MOCOS: variants seen among roughly 807,000 people sequenced by gnomAD.
The protein encoded by MOCOS is human molybdenum cofactor sulfurase.
Under a neutral mutation model 83.6 loss-of-function variants are expected in MOCOS, and 86 were observed. That is an observed-to-expected ratio of 1.03 (90% CI 0.86 to 1.23). MOCOS has a LOEUF of 1.23. Among genes scored for constraint, MOCOS ranks in the 50% most tolerant of loss-of-function variants. The pLI, the probability that MOCOS is intolerant of heterozygous loss-of-function variation, is 0.00. For synonymous variants in MOCOS, 445 were observed against 434.7 expected, an observed-to-expected ratio of 1.02 and a Z score of -0.29; for missense variants, 1,120 against 1,126.9, an observed-to-expected ratio of 0.99 and a Z score of 0.09.
At chr18:36,255,607 C>T (rs1432242640) in intron 11 of MOCOS, among the ~76,000 whole-genome samples, 1 of 152,102 alleles carries the variant, frequency 6.6e-6, no homozygotes, top group Non-Finnish European at 1.5e-5. Flanking sequence ...CACCTCCCTT[C>T]TCTGGCAGAG....
chr18:36,259,101 A>G, intron 12 of MOCOS, among the ~76,000 whole-genome samples: 1 of 150,028 alleles, frequency 6.7e-6, no homozygotes, highest in East Asian at 2.0e-4. Flanking sequence ...GCAGAGGGCC[A>G]TTTTTTTTGG....
intron 5 of MOCOS, among the ~76,000 whole-genome samples, chr18:36,203,655 T>C (rs902769254): frequency 1.3e-5 from 2 of 152,248 alleles, no homozygotes; most frequent in Non-Finnish European, 2.9e-5. Flanking sequence ...GTCATACTGA[T>C]GCCTAACCAT....
At chr18:36,226,244 G>T (rs2091514853) in intron 9 of MOCOS, among the ~76,000 whole-genome samples, 1 of 151,916 alleles carries the variant, frequency 6.6e-6, no homozygotes, top group South Asian at 2.1e-4. Context: ...TACTCCTGGT[G>T]GATTGATCAT....
intron 13 of MOCOS, among the ~76,000 whole-genome samples, chr18:36,263,802 C>T (rs956598077): frequency 6.6e-6 from 1 of 152,174 alleles, no homozygotes; most frequent in African/African-American, 2.4e-5. Context: ...CTAGTAAACA[C>T]ATTTTAAAAA....
At position 36,213,498 on chromosome 18, in the gene MOCOS, T is replaced by C. The variant is rs1308254473; in HGVS notation, c.1335+16T>C. On this transcript the variant is annotated intron_variant, in intron 7 of 14. Coordinates refer to ENST00000261326, the MANE Select transcript of MOCOS (RefSeq NM_017947.4). The stretch of plus-strand genomic sequence containing the variant: ...GCATTTTCAGGTTGGTACAGGGCTC[T>C]GCGATCCAGACGCTGGTCAGCGAGA... The C allele has an allele frequency of 1.2e-6, 2 of 1,601,918 alleles. No homozygotes were observed.
In MOCOS at chr18:36,215,571, C is replaced by A. The variant is rs760237409; in HGVS notation, c.1391C>A (p.Ser464Tyr). 1 of 1,614,204 alleles carries A rather than the reference C, an allele frequency of 6.2e-7. No individual in the cohort carries two copies. The highest frequency in any genetic ancestry group is 1.7e-5 in the Admixed American group (1 of 60,018). Residue 464 changes from serine to tyrosine, a missense_variant, in exon 8 of 15, where the codon TCT becomes TAT. Ser to Tyr is a moderately radical substitution (Grantham distance 144). Coordinates refer to ENST00000261326, the MANE Select transcript of MOCOS (RefSeq NM_017947.4). ...CTCATAGATGGGCAGCCCACAGGAT[C>A]TGTGAGGATTTCATTTGGATACATG... ...MDLIDGQPTGSVRISFGYMST... is the reference protein window; with the variant it reads ...MDLIDGQPTGYVRISFGYMST...
At chr18:36,260,338 C>G (rs1333844191) in intron 13 of MOCOS, among the ~76,000 whole-genome samples, 163 bp downstream of exon 13, 1 of 152,110 alleles carries the variant, frequency 6.6e-6, no homozygotes, top group Non-Finnish European at 1.5e-5. Flanking sequence ...CTAAGACACC[C>G]CATGGAATAA....
chr18:36,192,799 C>T (rs2091371250), intron 1 of MOCOS, among the ~76,000 whole-genome samples: 1 of 152,044 alleles, frequency 6.6e-6, no homozygotes, highest in Non-Finnish European at 1.5e-5. Context: ...AGGCGCACGC[C>T]ATTACCGCCT....
At chr18:36,225,525 G>A (rs760218737) in intron 9 of MOCOS, among the ~76,000 whole-genome samples, 5 of 152,108 alleles carry the variant, frequency 3.3e-5, no homozygotes, top group Non-Finnish European at 7.4e-5. Flanking sequence ...TTTTGTTAAT[G>A]TTTTCCATTT....
At chr18:36,235,288 C>A (rs2091553874) in intron 9 of MOCOS, among the ~76,000 whole-genome samples, 1 of 116,742 alleles carries the variant, frequency 8.6e-6, no homozygotes, top group Admixed American at 9.4e-5. Context: ...CCCCCTCCCC[C>A]CACCCACAAC....
chr18:36,202,343 T>G (rs1385279965), intron 4 of MOCOS, among the ~76,000 whole-genome samples: 1 of 152,114 alleles, frequency 6.6e-6, no homozygotes, highest in African/African-American at 2.4e-5. Flanking sequence ...TTTGTAGAGA[T>G]GGGGTCTTGC....
chr18:36,222,194 G>A lies in MOCOS; in HGVS notation c.1960+1977G>A, dbSNP rs141109800. On this transcript the variant is annotated intron_variant, in intron 9 of 14. Coordinates refer to ENST00000261326, the MANE Select transcript of MOCOS (RefSeq NM_017947.4). ...TGGAAATAGAGCTGCAATGAACATT[G>A]GGAGTGCTAATATCTCTTCGGTATC... is the stretch of plus-strand genomic sequence containing the variant. 2.2e-3 allele frequency among the ~76,000 whole-genome samples: 338 copies of A among 152,282 alleles called. 1 individual carries two copies. The highest frequency in any genetic ancestry group is 7.0e-3 in the African/African-American group (290 of 41,570).
intron 7 of MOCOS, 22 bp downstream of exon 7, chr18:36,213,504 C>T (rs747051821): frequency 1.6e-5 from 25 of 1,594,240 alleles, no homozygotes; most frequent in Non-Finnish European, 2.1e-5. Context: ...GCTCTGCGAT[C>T]CAGACGCTGG....
At chr18:36,213,788 G>C (rs115724585) in intron 7 of MOCOS, among the ~76,000 whole-genome samples, 1 of 151,690 alleles carries the variant, frequency 6.6e-6, no homozygotes, top group South Asian at 2.1e-4. Flanking sequence ...AATTAGCCAG[G>C]CATGATGGCA....
intron 9 of MOCOS, among the ~76,000 whole-genome samples, chr18:36,220,924 G>A (rs1465681248): frequency 1.2e-5 from 1 of 85,436 alleles, no homozygotes; most frequent in Non-Finnish European, 2.6e-5. Context: ...GGGTGATGAT[G>A]TCTCAAAAGA....
chr18:36,231,830 T>TA (rs1007085003), intron 9 of MOCOS, among the ~76,000 whole-genome samples: 1 of 152,210 alleles, frequency 6.6e-6, no homozygotes, highest in African/African-American at 2.4e-5. Context: ...GGCTCTTCCA[T>TA]AAAAAACTTG....
chr18:36,227,628 T>C (rs542253636), intron 9 of MOCOS, among the ~76,000 whole-genome samples: 1 of 152,228 alleles, frequency 6.6e-6, no homozygotes, highest in African/African-American at 2.4e-5. Context: ...ACTCCTAACC[T>C]CAGGTGATCT....
intron 3 of MOCOS, among the ~76,000 whole-genome samples, chr18:36,199,194 C>T (rs1003804853): frequency 6.6e-6 from 1 of 152,114 alleles, no homozygotes; most frequent in Non-Finnish European, 1.5e-5. Context: ...TTAAACAGCT[C>T]TCTATACTTT....
chr18:36,235,664 G>C (rs1419660304), intron 9 of MOCOS, among the ~76,000 whole-genome samples: 1 of 151,186 alleles, frequency 6.6e-6, no homozygotes, highest in African/African-American at 2.4e-5. Flanking sequence ...GGATGGCTGG[G>C]TCAAATGGTA....
Sources: allele counts gnomAD v4.1 joint callset (sites outside exome capture counted in the v4.1 genomes callset), GRCh38; gene constraint gnomAD v4.1.1; transcripts MANE v1.5; gene names NCBI Gene and HGNC (gene_info 2026-07-23, HGNC 2026-07-21).